PTGES: variants seen among roughly 807,000 people sequenced by gnomAD.
The protein encoded by PTGES is prostaglandin E synthase, also known as MGST1-like 1.
PTGES carries 3 observed loss-of-function variants against 11.8 expected under a neutral mutation model. The ratio of observed to expected loss-of-function variants is 0.25; its 90% CI spans 0.12 to 0.66. The LOEUF (loss-of-function observed/expected upper bound fraction) is 0.66. Ranked by LOEUF, PTGES falls within the 30% of genes least tolerant of loss-of-function variation. The probability of loss-of-function intolerance (pLI) is 0.82; values close to 1 mark genes in which losing one functional copy is unlikely to be tolerated. For missense variants in PTGES, 180 were observed against 213.0 expected (o/e 0.85, Z 0.96); for synonymous variants, 94 against 90.4 (o/e 1.04, Z -0.22).
rs1833039576 is a variant in PTGES at position 129,745,324 on chromosome 9, A to G, written c.209+3331T>C. 6.6e-6 allele frequency among the ~76,000 whole-genome samples: 1 copy of G among 152,228 alleles called. No individual in the cohort carries two copies. The highest frequency in any genetic ancestry group is 2.4e-5 in the African/African-American group (1 of 41,468). On this transcript the variant is annotated intron_variant, in intron 2 of 2. Coordinates refer to ENST00000340607, the MANE Select transcript of PTGES (RefSeq NM_004878.5). This position sits in a 1 kb window ranked among gnomAD's most constrained non-coding sequence, Gnocchi z 4.2. ...AGAACTAGGCTCACATTTGGACTGC[A>G]GCATGTGCTAACCTGCAAGGCAGAT...
intron 2 of PTGES, among the ~76,000 whole-genome samples, chr9:129,741,297 G>A (rs1054356491): frequency 7.9e-5 from 12 of 152,152 alleles, no homozygotes; most frequent in African/African-American, 1.4e-4. Context: ...GCTACAGTGC[G>A]GTGCACAAGA....
intron 2 of PTGES, among the ~76,000 whole-genome samples, chr9:129,741,926 TAAAAG>T (rs1319339501): frequency 1.3e-5 from 2 of 150,414 alleles, no homozygotes; most frequent in African/African-American, 4.9e-5. Flanking sequence ...ATAAATAAAA[TAAAAG>T]AGAGGGAGAA....
chr9:129,749,872 T>C (rs1833086918), intron 1 of PTGES, among the ~76,000 whole-genome samples: 1 of 151,906 alleles, frequency 6.6e-6, no homozygotes, highest in Non-Finnish European at 1.5e-5. Context: ...TCATCAGGGG[T>C]CCTGGCAGCA....
intron 2 of PTGES, among the ~76,000 whole-genome samples, chr9:129,743,262 A>ATT (rs1833017490): frequency 6.6e-6 from 1 of 152,184 alleles, no homozygotes; most frequent in East Asian, 1.9e-4. Flanking sequence ...CCGAGGCCGC[A>ATT]GTGGCCAGGG....
rs753531032 is a variant in PTGES, at chr9:129,739,748, C to G, written c.322G>C (p.Val108Leu). ...GCCACGGTGTGTGCCACACGGCCCA[C>G]GAGGAAGACCAGGAAGTGCATCCAG... The part of the protein sequence containing the change: ...VAWMHFLVFL[V>L]GRVAHTVAYL... Residue 108 changes from valine to leucine, a missense_variant, in exon 3 of 3, where the codon GTG (valine) becomes CTG (leucine). Coordinates refer to ENST00000340607, the MANE Select transcript of PTGES (RefSeq NM_004878.5). This position sits in a 1 kb window ranked among gnomAD's most constrained non-coding sequence, Gnocchi z 5.7. 1 of 1,581,598 alleles carries G rather than the reference C, an allele frequency of 6.3e-7. No individual in the cohort carries two copies.
rs45469800 is a variant in PTGES at position 129,745,623 on chromosome 9, C to T, written c.209+3032G>A. Among the ~76,000 whole-genome samples, 7 of 152,274 alleles carry T rather than the reference C, an allele frequency of 4.6e-5. No individual in the cohort carries two copies. Among genetic ancestry groups the T allele is most frequent in the Admixed American group, 6.5e-5 (1 of 15,302 alleles). The stretch of plus-strand genomic sequence containing the variant: ...CCAGGTCTGACTTGGGCCCAGTATA[C>T]AGTCGGCTTCCAGTAAGTCCTCACC... On this transcript the variant is annotated intron_variant, in intron 2 of 2. Transcript: ENST00000340607. This position sits in a 1 kb window ranked among gnomAD's most constrained non-coding sequence, Gnocchi z 4.2.
Position 129,745,282 on chromosome 9 carries a change from A to G in PTGES, c.209+3373T>C, listed in dbSNP as rs938325023. On this transcript the variant is annotated intron_variant, in intron 2 of 2. Coordinates refer to ENST00000340607, the MANE Select transcript of PTGES (RefSeq NM_004878.5). This position sits in a 1 kb window ranked among gnomAD's most constrained non-coding sequence, Gnocchi z 4.2. The stretch of plus-strand genomic sequence containing the variant: ...GGATAGGTATCCTGAAAAGGTGGCT[A>G]GTCCCTGGCTTCTCCCAGAACTAGG... 6.6e-6 allele frequency among the ~76,000 whole-genome samples: 1 copy of G among 152,222 alleles called. No homozygotes were observed. Among genetic ancestry groups the G allele is most frequent in the East Asian group, 1.9e-4 (1 of 5,202 alleles).
rs4837403 is a variant in PTGES at position 129,743,347 on chromosome 9, C to A, written c.210-3487G>T. 1.3e-4 allele frequency among the ~76,000 whole-genome samples: 20 copies of A among 152,278 alleles called. No individual in the cohort carries two copies. In the South Asian group the frequency reaches 3.9e-3, roughly 30 times the overall value. On this transcript the variant is annotated intron_variant, in intron 2 of 2. Coordinates refer to ENST00000340607, the MANE Select transcript of PTGES (RefSeq NM_004878.5). Reference sequence around the variant, plus strand: ...CTCCTCCCACCTCCAGGCTCCAAACCGAGAGACATGGAGGCAGGCACGTAC... The same window carrying A: ...CTCCTCCCACCTCCAGGCTCCAAACAGAGAGACATGGAGGCAGGCACGTAC...
intron 2 of PTGES, among the ~76,000 whole-genome samples, chr9:129,741,582 C>T (rs1369083266): frequency 1.3e-5 from 2 of 152,220 alleles, no homozygotes; most frequent in East Asian, 3.9e-4. Context: ...CAGAGGCTGG[C>T]TCTGGATAGA....
intron 2 of PTGES, among the ~76,000 whole-genome samples, chr9:129,740,814 T>C (rs1832987403): frequency 6.6e-6 from 1 of 152,000 alleles, no homozygotes; most frequent in Non-Finnish European, 1.5e-5. Context: ...CATTGGAAGC[T>C]CAAATAAACA....
At chr9:129,744,635 G>A (rs1035832277) in intron 2 of PTGES, among the ~76,000 whole-genome samples, 16 of 151,394 alleles carry the variant, frequency 1.1e-4, no homozygotes, top group Non-Finnish European at 2.2e-4. Context: ...CAACACTTTG[G>A]GGAGGCCGAG....
chr9:129,749,650 CA>C (rs1375804092), intron 1 of PTGES: 1 of 151,868 alleles, frequency 6.6e-6, no homozygotes, highest in Non-Finnish European at 1.5e-5. Context: ...ACTCTGTCTC[CA>C]AAAAAAATAA....
In PTGES at chr9:129,746,092, G is replaced by A. The variant is rs16931434; in HGVS notation, c.209+2563C>T. On this transcript the variant is annotated intron_variant, in intron 2 of 2. Transcript: ENST00000340607. Reference sequence around the variant, plus strand: ...TGTCTCGGCGCCACCCGGGTCTATCGTCTCTCCATGGGGCATGGTTTCAGC... The same window carrying A: ...TGTCTCGGCGCCACCCGGGTCTATCATCTCTCCATGGGGCATGGTTTCAGC... 6.8e-3 allele frequency among the ~76,000 whole-genome samples: 1,029 copies of A among 151,198 alleles called. 6 individuals carry two copies. Among genetic ancestry groups the A allele is most frequent in the Admixed American group, 0.011 (165 of 15,192 alleles).
chr9:129,749,164 G>A (rs2417148), intron 1 of PTGES, among the ~76,000 whole-genome samples: 14,565 of 152,286 alleles, frequency 0.096, 765 homozygotes, highest in East Asian at 0.19. Context: ...GGCCAAGGCA[G>A]GGGGATTGCT....
At chr9:129,741,917 TAAATA>T (rs1400730598) in intron 2 of PTGES, among the ~76,000 whole-genome samples, 4 of 150,192 alleles carry the variant, frequency 2.7e-5, no homozygotes, top group Non-Finnish European at 5.9e-5. Flanking sequence ...AAAAAATAAA[TAAATA>T]AAATAAAAGA....
chr9:129,750,315 G>T (rs1833090582), intron 1 of PTGES, among the ~76,000 whole-genome samples: 1 of 152,192 alleles, frequency 6.6e-6, no homozygotes, highest in Non-Finnish European at 1.5e-5. Flanking sequence ...GTCCTCCCTG[G>T]TGGGCCTGCC....
At position 129,753,026 on chromosome 9, in the gene PTGES, A is replaced by G. The variant is rs1833133285; in HGVS notation, c.-14T>C. On this transcript the variant is annotated 5_prime_UTR_variant, in exon 1 of 3. Coordinates refer to ENST00000340607, the MANE Select transcript of PTGES (RefSeq NM_004878.5). Reference sequence around the variant, plus strand: ...GTGGGCAGGCATCTCTGGCCAGCGCAGCTCAACTGTGGGTGTGATCAGCTC... The same window carrying G: ...GTGGGCAGGCATCTCTGGCCAGCGCGGCTCAACTGTGGGTGTGATCAGCTC... 6 of 1,600,370 alleles carry G rather than the reference A, an allele frequency of 3.7e-6. No individual in the cohort carries two copies. Among genetic ancestry groups the G allele is most frequent in the Non-Finnish European group, 3.4e-6 (4 of 1,178,630 alleles).
rs1268057177 is a variant in PTGES at position 129,738,404 on chromosome 9, G to GGA, written c.*1205_*1206dup. 7.9e-6 allele frequency: 1 copy of GGA among 126,252 alleles called. No individual in the cohort carries two copies. Among genetic ancestry groups the GGA allele is most frequent in the African/African-American group, 3.2e-5 (1 of 30,980 alleles). The allele number at this position is 126,252 out of a possible 1,614,324, so 7.8% of individuals were successfully genotyped here. On this transcript the variant is annotated 3_prime_UTR_variant, in exon 3 of 3. Coordinates refer to ENST00000340607, the MANE Select transcript of PTGES (RefSeq NM_004878.5). This position sits in a 1 kb window ranked among gnomAD's most constrained non-coding sequence, Gnocchi z 4.2. ...TCACACATCTCAGGTCACGGGTCTA[G>GGA]GAGAAAACACACACACACACACACA...
intron 1 of PTGES, 116 bp downstream of exon 1, chr9:129,752,771 T>A: frequency 6.6e-7 from 1 of 1,509,166 alleles, no homozygotes; most frequent in Non-Finnish European, 9.1e-7. Context: ...GAAGAGGTGC[T>A]CACCTCCCAG....
Sources: allele counts gnomAD v4.1 joint callset (sites outside exome capture counted in the v4.1 genomes callset), GRCh38; gene constraint gnomAD v4.1.1; non-coding constraint Gnocchi (gnomAD v3.1); transcripts MANE v1.5; gene names NCBI Gene and HGNC (gene_info 2026-07-23, HGNC 2026-07-21).